Variants in NAALADL2 observed in about 807,000 individuals in gnomAD.
NAALADL2 encodes inactive N-acetylated-alpha-linked acidic dipeptidase-like protein 2.
Under a neutral mutation model 87.2 loss-of-function variants are expected in NAALADL2, and 76 were observed. The observed-to-expected ratio is 0.87, with a 90% confidence interval of 0.72 to 1.05. The LOEUF (loss-of-function observed/expected upper bound fraction) is 1.05, where lower values mean the gene tolerates loss of function less well. Among genes scored for constraint, NAALADL2 ranks in the 50% least tolerant of loss-of-function variants. The pLI, the probability that NAALADL2 is intolerant of heterozygous loss-of-function variation, is 0.00. For missense variants in NAALADL2, 1,089 were observed against 945.8 expected, an observed-to-expected ratio of 1.15 and a Z score of -1.99; for synonymous variants, 354 against 331.0, an observed-to-expected ratio of 1.07 and a Z score of -0.75.
At chr3:175,718,224 G>GTTTTTTTTGT in intron 11 of NAALADL2, 1 of 191,558 alleles carries the variant, frequency 5.2e-6, no homozygotes, top group Non-Finnish European at 8.0e-6. Context: ...TTTTTTTTTT[G>GTTTTTTTTGT]ATTAGTTGCT....
intron 12 of NAALADL2, among the ~76,000 whole-genome samples, chr3:175,740,284 C>G (rs1745055879): frequency 6.6e-6 from 1 of 152,122 alleles, no homozygotes; most frequent in Admixed American, 6.6e-5. Flanking sequence ...CATTGGTGAT[C>G]TTAACAAACA....
chr3:174,803,166 C>T (rs1483701338), intron 3 of NAALADL2, among the ~76,000 whole-genome samples: 1 of 152,118 alleles, frequency 6.6e-6, no homozygotes, highest in Non-Finnish European at 1.5e-5. Context: ...TTAATGATCG[C>T]CATTCTAACT....
At chr3:174,604,740 G>C (rs1236381412) in intron 2 of NAALADL2, among the ~76,000 whole-genome samples, 1 of 150,556 alleles carries the variant, frequency 6.6e-6, no homozygotes, top group Non-Finnish European at 1.5e-5. Context: ...TGTCTCCACT[G>C]TATGTTTTGT....
Position 174,692,954 on chromosome 3 carries a change from C to T in NAALADL2, c.-114-44687C>T, listed in dbSNP as rs536371032. ...TTGTAGGGACCCATATGAACTCATACCTTTCTTGAGATTCAACATACAGAA... is the reference window on the plus strand; with the variant it reads ...TTGTAGGGACCCATATGAACTCATATCTTTCTTGAGATTCAACATACAGAA... On this transcript the variant is annotated intron_variant, in intron 2 of 3. Coordinates refer to the NAALADL2 transcript ENST00000434257. 8.7e-5 allele frequency among the ~76,000 whole-genome samples: 13 copies of T among 149,872 alleles called. 1 individual carries two copies. Among genetic ancestry groups the T allele is most frequent in the African/African-American group, 3.2e-4 (13 of 41,216 alleles).
At chr3:174,847,902 T>C (rs928427912) in intron 3 of NAALADL2, among the ~76,000 whole-genome samples, 2 of 152,010 alleles carry the variant, frequency 1.3e-5, no homozygotes, top group African/African-American at 4.8e-5. Context: ...CTCTTTGGAT[T>C]TTTGACATAC....
intron 1 of NAALADL2, among the ~76,000 whole-genome samples, chr3:174,903,774 G>A (rs1386906141): frequency 6.6e-6 from 1 of 151,784 alleles, no homozygotes; most frequent in Non-Finnish European, 1.5e-5. Context: ...ATTTGCACGG[G>A]AAGTTTTCAG....
intron 2 of NAALADL2, among the ~76,000 whole-genome samples, chr3:174,693,942 A>G (rs1033168949): frequency 1.3e-5 from 2 of 152,140 alleles, no homozygotes; most frequent in African/African-American, 4.8e-5. Flanking sequence ...CAAAGAATCC[A>G]TTTGCCAGAA....
At chr3:174,772,083 T>C (rs1714643191) in intron 3 of NAALADL2, among the ~76,000 whole-genome samples, 1 of 152,164 alleles carries the variant, frequency 6.6e-6, no homozygotes, top group Non-Finnish European at 1.5e-5. Context: ...TGGTAATTGA[T>C]GAATATTTTT....
rs13353498 is a variant in NAALADL2, at chr3:174,488,514, A to G, written c.-184+47482A>G. Among the ~76,000 whole-genome samples the G allele has an allele frequency of 2.0e-3, 310 of 152,202 alleles. 2 individuals are homozygous for G. Among genetic ancestry groups the G allele is most frequent in the African/African-American group, 7.3e-3 (303 of 41,570 alleles). On this transcript the variant is annotated intron_variant, in intron 1 of 3. Coordinates refer to the NAALADL2 transcript ENST00000434257. Reference sequence around the variant, plus strand: ...CACTGATGCTTTTAATGTGCTGTACAAGACTTCACAAATCCATAAACTAGT... The same window carrying G: ...CACTGATGCTTTTAATGTGCTGTACGAGACTTCACAAATCCATAAACTAGT...
At chr3:175,196,068 C>A (rs1738950101) in intron 2 of NAALADL2, among the ~76,000 whole-genome samples, 1 of 151,834 alleles carries the variant, frequency 6.6e-6, no homozygotes, top group Admixed American at 6.6e-5. Context: ...AAAAGATTGT[C>A]CCTTACTGGC....
intron 5 of NAALADL2, among the ~76,000 whole-genome samples, chr3:175,361,199 A>G (rs1172469886): frequency 6.6e-6 from 1 of 152,004 alleles, no homozygotes; most frequent in Non-Finnish European, 1.5e-5. Flanking sequence ...ACATGAACTC[A>G]TCCTTTTTAT....
chr3:175,507,723 T>C (rs1475507593), intron 9 of NAALADL2, among the ~76,000 whole-genome samples: 1 of 152,054 alleles, frequency 6.6e-6, no homozygotes, highest in Admixed American at 6.6e-5. Flanking sequence ...TGTGCCTGGC[T>C]ATTAGGCATT....
At chr3:175,565,799 A>C (rs1717009084) in intron 9 of NAALADL2, among the ~76,000 whole-genome samples, 1 of 134,588 alleles carries the variant, frequency 7.4e-6, no homozygotes, top group African/African-American at 2.7e-5. Context: ...TTTATTCCCT[A>C]TGTCCAAACA....
At chr3:175,002,579 G>A (rs1475405987) in intron 1 of NAALADL2, among the ~76,000 whole-genome samples, 1 of 152,078 alleles carries the variant, frequency 6.6e-6, no homozygotes, top group East Asian at 1.9e-4. Context: ...AAAATGGAAG[G>A]GAACTGTGAA....
intron 6 of NAALADL2, among the ~76,000 whole-genome samples, chr3:175,455,741 A>G (rs998148949): frequency 6.6e-6 from 1 of 152,038 alleles, no homozygotes; most frequent in African/African-American, 2.4e-5. Context: ...TTTCCGGCAA[A>G]CAGTTGGCAT....
chr3:175,777,133 G>C (rs564040337), intron 13 of NAALADL2, among the ~76,000 whole-genome samples: 1 of 151,488 alleles, frequency 6.6e-6, no homozygotes, highest in Non-Finnish European at 1.5e-5. Context: ...GCTACACTCT[G>C]GCAAGTTGGA....
At chr3:175,779,856 G>A (rs896608144) in intron 13 of NAALADL2, among the ~76,000 whole-genome samples, 1 of 152,132 alleles carries the variant, frequency 6.6e-6, no homozygotes, top group African/African-American at 2.4e-5. Context: ...TTTGTTTAGT[G>A]TGGAATGTCT....
At chr3:175,212,438 A>C (rs1741894091) in intron 2 of NAALADL2, among the ~76,000 whole-genome samples, 1 of 152,140 alleles carries the variant, frequency 6.6e-6, no homozygotes, top group Admixed American at 6.6e-5. Flanking sequence ...ATAAAATCAA[A>C]TTTACTGAAG....
chr3:174,944,136 G>A (rs1739036118), intron 1 of NAALADL2, among the ~76,000 whole-genome samples: 2 of 152,142 alleles, frequency 1.3e-5, no homozygotes. Flanking sequence ...TGAAGGCTGT[G>A]AAACAGCAAA....
Sources: allele counts gnomAD v4.1 joint callset (sites outside exome capture counted in the v4.1 genomes callset), GRCh38; gene constraint gnomAD v4.1.1; transcripts MANE v1.5; gene names NCBI Gene and HGNC (gene_info 2026-07-23, HGNC 2026-07-21).